The following GCC2 variants were observed in gnomAD, a reference collection of about 807,000 sequenced individuals.
The protein encoded by GCC2 is GRIP and coiled-coil domain-containing protein 2.
In GCC2, 120 loss-of-function variants were observed where a neutral mutation model predicts 210.6. That is an observed-to-expected ratio of 0.57 (90% CI 0.49 to 0.66). The LOEUF (loss-of-function observed/expected upper bound fraction) is 0.66. Ranked by LOEUF, GCC2 falls within the 30% of genes least tolerant of loss-of-function variation. The probability of loss-of-function intolerance (pLI) is 0.00; values close to 1 mark genes in which losing one functional copy is unlikely to be tolerated. For synonymous variants in GCC2, 703 were observed against 652.7 expected (o/e 1.08, Z -1.17); for missense variants, 1,868 against 1,871.9 (o/e 1.00, Z 0.04).
At chr2:108,468,289 C>G (rs971267847) in intron 4 of GCC2, among the ~76,000 whole-genome samples, 2 of 152,068 alleles carry the variant, frequency 1.3e-5, no homozygotes, top group Admixed American at 6.6e-5. Flanking sequence ...TGGTCTTGAA[C>G]TCCTGACCTC....
chr2:108,469,764 CA>C lies in GCC2; in HGVS notation c.436del (p.Ser146ValfsTer15). 6.2e-7 allele frequency: 1 copy of C among 1,613,650 alleles called. No individual in the cohort carries two copies. Among genetic ancestry groups the C allele is most frequent in the Non-Finnish European group, 8.5e-7 (1 of 1,179,690 alleles). ...AGTTGATGGCAGTACGTTCCAAATA[CA>C]GTGAAGACAAAGCTAACTTACAAAA... is the stretch of plus-strand genomic sequence containing the variant. ...NELMAVRSKY[S>X]EDKANLQKQL... On this transcript the variant is annotated frameshift_variant, in exon 6 of 23. Coordinates refer to ENST00000309863, the MANE Select transcript of GCC2 (RefSeq NM_181453.4). LOFTEE classifies it high-confidence loss of function.
Position 108,489,893 on chromosome 2 carries a change from A to G in GCC2, c.4108A>G (p.Asn1370Asp). ...AAAAATCAAATTACAAGATAGCCAA[A>G]ATAACTTACAGATTAATGTATCTGA... is the stretch of plus-strand genomic sequence containing the variant. Reference protein sequence around the residue: ...QLKIKLQDSQNNLQINVSELQ... With the variant: ...QLKIKLQDSQDNLQINVSELQ... The change falls in exon 18 of 23, where the codon AAT becomes GAT. Residue 1370 changes from asparagine to aspartate, a missense_variant. Transcript: ENST00000309863. 6.2e-7 allele frequency: 1 copy of G among 1,610,274 alleles called. No homozygotes were observed. Among genetic ancestry groups the G allele is most frequent in the Non-Finnish European group, 8.5e-7 (1 of 1,178,162 alleles).
At chr2:108,458,540 T>C (rs975228572) in intron 4 of GCC2, among the ~76,000 whole-genome samples, 1 of 152,028 alleles carries the variant, frequency 6.6e-6, no homozygotes, top group Non-Finnish European at 1.5e-5. Flanking sequence ...TCAGTGTGCA[T>C]CCATCTGGTT....
At position 108,486,827 on chromosome 2, in the gene GCC2, G is replaced by A. The variant is rs116266996; in HGVS notation, c.3930+179G>A. ...AATCCCATGCCAACCCTAATCGTAA[G>A]TTGGATCACTTTTTTTGCCAAAAGG... is the stretch of plus-strand genomic sequence containing the variant. On this transcript the variant is annotated intron_variant, in intron 16 of 22. Transcript: ENST00000309863. Among the ~76,000 whole-genome samples the A allele has an allele frequency of 8.8e-3, 1,346 of 152,222 alleles. 13 individuals are homozygous for A. Among genetic ancestry groups the A allele is most frequent in the Non-Finnish European group, 0.013 (859 of 68,014 alleles).
At chr2:108,498,335 G>T (rs1682752702) in intron 21 of GCC2, among the ~76,000 whole-genome samples, 1 of 150,940 alleles carries the variant, frequency 6.6e-6, no homozygotes, top group African/African-American at 2.4e-5. Flanking sequence ...AGCTGGGACT[G>T]CAGGCACGCA....
At chr2:108,475,659 G>A (rs1681470655) in intron 8 of GCC2, 24 bp downstream of exon 8, 1 of 1,478,354 alleles carries the variant, frequency 6.8e-7, no homozygotes, top group Admixed American at 2.1e-5. Flanking sequence ...AAAAATGTAA[G>A]ATTCCGGAAT....
Position 108,481,614 on chromosome 2 carries a change from G to C in GCC2, c.3061-83G>C, listed in dbSNP as rs960263597. On this transcript the variant is annotated intron_variant, in intron 9 of 22. Coordinates refer to ENST00000309863, the MANE Select transcript of GCC2 (RefSeq NM_181453.4). Reference sequence around the variant, plus strand: ...TTTTAAGCATCCAGAATGGACTCATGAATCTTAAGGTGGCTTGATGATGAA... The same window carrying C: ...TTTTAAGCATCCAGAATGGACTCATCAATCTTAAGGTGGCTTGATGATGAA... 2.8e-5 allele frequency: 28 copies of C among 992,082 alleles called. No homozygotes were observed. The Admixed American group carries it at 6.5e-4, about 23-fold the overall frequency. 61.5% of individuals were successfully genotyped at this position (992,082 alleles called of 1,614,324 possible). A position where few individuals can be genotyped will look rare whatever the true frequency, so the allele number is the denominator to read the frequency against.
intron 4 of GCC2, among the ~76,000 whole-genome samples, 161 bp downstream of exon 4, chr2:108,452,627 C>G (rs892942085): frequency 1.3e-5 from 2 of 151,540 alleles, no homozygotes; most frequent in Non-Finnish European, 2.9e-5. Flanking sequence ...TTAATGACCT[C>G]TGGGTCTCTT....
Position 108,462,028 on chromosome 2 carries a change from G to A in GCC2, c.217-6952G>A, listed in dbSNP as rs1259794659. Among the ~76,000 whole-genome samples the A allele has an allele frequency of 1.1e-4, 16 of 145,046 alleles. No individual in the cohort carries two copies. In the South Asian group the frequency reaches 2.2e-3, roughly 20 times the overall value. ...TTTTTTTTTGTATTTTAGTAGAGAC[G>A]GGGTTTCACCCTGTTAGCCAGGATG... is the stretch of plus-strand genomic sequence containing the variant. On this transcript the variant is annotated intron_variant, in intron 4 of 22. Transcript: ENST00000309863.
At chr2:108,469,156 C>T (rs1681055386) in intron 5 of GCC2, 72 bp downstream of exon 5, 1 of 820,002 alleles carries the variant, frequency 1.2e-6, no homozygotes, top group African/African-American at 1.7e-5. Context: ...AGAGGTAAGA[C>T]TTTAAAAAGC....
At chr2:108,502,738 C>T (rs1558763493) in intron 22 of GCC2, among the ~76,000 whole-genome samples, 2 of 152,042 alleles carry the variant, frequency 1.3e-5, no homozygotes, top group African/African-American at 2.4e-5. Context: ...GCCTGGCCAA[C>T]ATGGTGAAAC....
In GCC2 at chr2:108,500,258, T is replaced by G. The variant is rs1573237939; in HGVS notation, c.4984+504T>G. On this transcript the variant is annotated intron_variant, in intron 22 of 22. Coordinates refer to ENST00000309863, the MANE Select transcript of GCC2 (RefSeq NM_181453.4). ...GCCAGGTGCCGGTGGTTCACGCCTA[T>G]AATCCCACCACTTTGGGAGGCCGAG... Among the ~76,000 whole-genome samples, 4 of 152,126 alleles carry G rather than the reference T, an allele frequency of 2.6e-5. No homozygotes were observed. In the East Asian group the frequency reaches 7.7e-4, roughly 29 times the overall value.
At chr2:108,477,663 T>A (rs553502274) in intron 9 of GCC2, among the ~76,000 whole-genome samples, 1 of 152,348 alleles carries the variant, frequency 6.6e-6, no homozygotes, top group Non-Finnish European at 1.5e-5. Context: ...GATTAAAAAA[T>A]TTTGTGAAAA....
chr2:108,472,248 A>C, intron 6 of GCC2, 132 bp downstream of exon 6: 1 of 517,956 alleles, frequency 1.9e-6, no homozygotes, highest in Non-Finnish European at 3.3e-6. Flanking sequence ...CAACTTTCTG[A>C]AAAGTGCATT....
rs1682176159 is a variant in GCC2, at chr2:108,487,053, G to GCAGA, written c.3930+405_3930+406insCAGA. On this transcript the variant is annotated intron_variant, in intron 16 of 22. Transcript: ENST00000309863. Reference sequence around the variant, plus strand: ...AGTGCAGTGGTTGTGTTAGATGCAGGTCTTATTTAAGCAATCCTGGCAACA... The same window carrying GCAGA: ...AGTGCAGTGGTTGTGTTAGATGCAGGCAGATCTTATTTAAGCAATCCTGGCAACA... 2.0e-5 allele frequency among the ~76,000 whole-genome samples: 3 copies of GCAGA among 152,068 alleles called. No homozygotes were observed. The South Asian group carries it at 6.2e-4, about 32-fold the overall frequency.
chr2:108,472,061 C>G lies in GCC2; in HGVS notation c.2732C>G (p.Pro911Arg). ...CFIKEHENLK[P>R]LLEQKELRDR... Reference sequence around the variant, plus strand: ...ATAAAGGAACATGAAAACCTAAAGCCACTACTAGAACAAAAAGAATTACGA... The same window carrying G: ...ATAAAGGAACATGAAAACCTAAAGCGACTACTAGAACAAAAAGAATTACGA... The change falls in exon 6 of 23, where the codon CCA becomes CGA. Residue 911 changes from proline (P) to arginine (R), a missense_variant. Coordinates refer to ENST00000309863, the MANE Select transcript of GCC2 (RefSeq NM_181453.4). 6.3e-7 allele frequency: 1 copy of G among 1,580,728 alleles called. No individual in the cohort carries two copies. Among genetic ancestry groups the G allele is most frequent in the African/African-American group, 1.4e-5 (1 of 72,820 alleles).
At chr2:108,483,673 G>C (rs977483545) in intron 12 of GCC2, among the ~76,000 whole-genome samples, 1 of 152,048 alleles carries the variant, frequency 6.6e-6, no homozygotes, top group African/African-American at 2.4e-5. Context: ...AAGAATCTAG[G>C]CTCCTGAGTT....
chr2:108,500,707 C>A (rs1024096976), intron 22 of GCC2, among the ~76,000 whole-genome samples: 1 of 152,154 alleles, frequency 6.6e-6, no homozygotes, highest in African/African-American at 2.4e-5. Context: ...TTATTTTTGA[C>A]ATTTACAAGC....
At position 108,449,517 on chromosome 2, in the gene GCC2, C is replaced by A. The variant is rs552854129; in HGVS notation, c.7-116C>A. ...CCGTCCGCCCTCATTCTCTGTCTCA[C>A]GAGGCTTTCCACCACTTGATTCCAT... is the stretch of plus-strand genomic sequence containing the variant. On this transcript the variant is annotated intron_variant, in intron 1 of 22. Coordinates refer to ENST00000309863, the MANE Select transcript of GCC2 (RefSeq NM_181453.4). 7.8e-5 allele frequency: 98 copies of A among 1,253,588 alleles called. No homozygotes were observed. In the South Asian group the frequency reaches 1.1e-3, roughly 15 times the overall value. The allele number at this position is 1,253,588 out of a possible 1,614,324, so 77.7% of individuals were successfully genotyped here.
Sources: allele counts gnomAD v4.1 joint callset (sites outside exome capture counted in the v4.1 genomes callset), GRCh38; gene constraint gnomAD v4.1.1; transcripts MANE v1.5; gene names NCBI Gene and HGNC (gene_info 2026-07-23, HGNC 2026-07-21).